The following DCAF1 variants were observed in gnomAD, a reference collection of about 807,000 sequenced individuals.
DCAF1 encodes DDB1- and CUL4-associated factor 1.
A neutral mutation model predicts 128.0 loss-of-function variants in DCAF1; 15 were observed. The ratio of observed to expected loss-of-function variants is 0.12; its 90% CI spans 0.08 to 0.18. The LOEUF (loss-of-function observed/expected upper bound fraction) is 0.18. Ranked by LOEUF, DCAF1 falls within the 10% of genes least tolerant of loss-of-function variation. DCAF1 has a pLI of 1.00. For synonymous variants in DCAF1, 610 were observed against 603.0 expected (o/e 1.01, Z -0.17); for missense variants, 988 against 1,649.5 (o/e 0.60, Z 6.95).
rs572929428 is a variant in DCAF1 at position 51,409,102 on chromosome 3, A to T, written c.4212+3277T>A. On this transcript the variant is annotated intron_variant, in intron 23 of 24. Transcript: ENST00000684031. ...TCCTGCATCCAAGTCAAAAGTCCTG[A>T]CCACTACCATATGCCCTTCCTAATC... Among the ~76,000 whole-genome samples the T allele has an allele frequency of 5.9e-5, 9 of 152,256 alleles. No homozygotes were observed. In the South Asian group the frequency reaches 1.7e-3, roughly 28 times the overall value.
intron 6 of DCAF1, among the ~76,000 whole-genome samples, chr3:51,453,472 T>C (rs1475858215): frequency 6.7e-6 from 1 of 149,594 alleles, no homozygotes; most frequent in Admixed American, 6.7e-5. Context: ...TACAAAAAAA[T>C]TTTTAAAAAA....
intron 10 of DCAF1, 78 bp downstream of exon 10, chr3:51,433,028 T>C (rs1355683827): frequency 2.5e-6 from 1 of 397,778 alleles, no homozygotes; most frequent in African/African-American, 2.1e-5. Flanking sequence ...TATCCAAAAG[T>C]CATTCTGCGA....
chr3:51,472,844 T>C (rs899455543), intron 3 of DCAF1, among the ~76,000 whole-genome samples: 2 of 151,738 alleles, frequency 1.3e-5, no homozygotes, highest in African/African-American at 2.4e-5. Context: ...TTTGTATTTT[T>C]AGTAGAGATG....
intron 6 of DCAF1, among the ~76,000 whole-genome samples, chr3:51,456,548 C>G (rs1430766004): frequency 6.6e-6 from 1 of 152,202 alleles, no homozygotes. Context: ...CCCTCTCTGA[C>G]AGCTTTGAAG....
At chr3:51,487,542 C>A (rs554406189) in intron 2 of DCAF1, among the ~76,000 whole-genome samples, 1 of 152,218 alleles carries the variant, frequency 6.6e-6, no homozygotes, top group Non-Finnish European at 1.5e-5. Flanking sequence ...TATCTACTGT[C>A]CTCTGGTCTA....
At chr3:51,498,607 A>G (rs1330790390) in intron 1 of DCAF1, among the ~76,000 whole-genome samples, 2 of 152,110 alleles carry the variant, frequency 1.3e-5, no homozygotes, top group Non-Finnish European at 1.5e-5. Context: ...TTAAAACTGT[A>G]TAATAGGCAG....
chr3:51,497,910 C>T (rs568445937), intron 1 of DCAF1, among the ~76,000 whole-genome samples: 1 of 151,694 alleles, frequency 6.6e-6, no homozygotes, highest in East Asian at 1.9e-4. Flanking sequence ...ATTAGCCGGG[C>T]GTGGTGGCAG....
intron 3 of DCAF1, among the ~76,000 whole-genome samples, chr3:51,474,102 T>C (rs985183997): frequency 2.0e-5 from 3 of 151,530 alleles, no homozygotes; most frequent in Admixed American, 2.0e-4. Context: ...AGCCACCACA[T>C]CTGGCCCCTT....
intron 9 of DCAF1, among the ~76,000 whole-genome samples, chr3:51,438,254 CTAAG>C (rs1194889178): frequency 6.6e-6 from 1 of 152,124 alleles, no homozygotes; most frequent in Admixed American, 6.6e-5. Flanking sequence ...CATTCACTTA[CTAAG>C]TGACTACTAT....
intron 3 of DCAF1, among the ~76,000 whole-genome samples, chr3:51,481,859 G>C (rs370921194): frequency 2.6e-5 from 4 of 151,900 alleles, no homozygotes; most frequent in Non-Finnish European, 5.9e-5. Flanking sequence ...GCGTCGTGGC[G>C]GGCACCTGTA....
chr3:51,426,539 T>C (rs1699925973), intron 13 of DCAF1, among the ~76,000 whole-genome samples: 2 of 152,168 alleles, frequency 1.3e-5, no homozygotes, highest in Non-Finnish European at 1.5e-5. Context: ...TATTTTTACA[T>C]TTTCTGTTTT....
chr3:51,445,204 C>G (rs929971978), intron 6 of DCAF1, among the ~76,000 whole-genome samples: 2 of 152,036 alleles, frequency 1.3e-5, no homozygotes, highest in Admixed American at 6.6e-5. Flanking sequence ...AAACAGAAAC[C>G]TCCCATGTGC....
At chr3:51,406,335 T>C (rs2090104934) in intron 23 of DCAF1, among the ~76,000 whole-genome samples, 1 of 108,642 alleles carries the variant, frequency 9.2e-6, no homozygotes. Context: ...AGAGCAAGAC[T>C]CTGTCTCAAA....
upstream of DCAF1, among the ~76,000 whole-genome samples, chr3:51,501,283 C>T (rs73834257): frequency 0.019 from 2,856 of 152,204 alleles, 102 homozygotes; most frequent in African/African-American, 0.066. Context: ...AAAAATGAGG[C>T]CCAGAGGGAG....
At chr3:51,463,489 T>G (rs1320135001) in intron 5 of DCAF1, among the ~76,000 whole-genome samples, 1 of 152,110 alleles carries the variant, frequency 6.6e-6, no homozygotes, top group Non-Finnish European at 1.5e-5. Context: ...ATCATAGAAA[T>G]TAAAGGTCAA....
chr3:51,485,420 A>G (rs1312918094), intron 2 of DCAF1, among the ~76,000 whole-genome samples: 1 of 152,198 alleles, frequency 6.6e-6, no homozygotes, highest in Non-Finnish European at 1.5e-5. Context: ...AAGGGCAGGG[A>G]GCTGAGGTGA....
Position 51,441,819 on chromosome 3 carries a change from G to A in DCAF1, c.592C>T (p.Pro198Ser). The stretch of plus-strand genomic sequence containing the variant: ...AGGGGTTCAGAAGAGAGCTTCCGTG[G>A]ACTGGGACGCTTGTTTTCCTGCCGC... ...ALRQENKRPS[P>S]RKLSSEPLLP... The change falls in exon 8 of 25, where the codon CCA (proline) becomes TCA (serine). Residue 198 changes from proline (P) to serine (S), a missense_variant. Physicochemically the swap from Pro to Ser is moderately conservative, Grantham distance 74 (BLOSUM62 -1). Transcript: ENST00000684031. The A allele has an allele frequency of 1.9e-6, 3 of 1,613,728 alleles. No homozygotes were observed. Among genetic ancestry groups the A allele is most frequent in the Non-Finnish European group, 2.5e-6 (3 of 1,179,866 alleles).
intron 1 of DCAF1, among the ~76,000 whole-genome samples, 179 bp from the exon 2 acceptor site, chr3:51,496,959 T>C (rs1205259018): frequency 2.6e-5 from 4 of 152,104 alleles, no homozygotes; most frequent in East Asian, 3.8e-4. Flanking sequence ...AAAATATATA[T>C]ATAGATACCA....
At chr3:51,478,030 C>T (rs1246765732) in intron 3 of DCAF1, among the ~76,000 whole-genome samples, 1 of 152,058 alleles carries the variant, frequency 6.6e-6, no homozygotes, top group African/African-American at 2.4e-5. Context: ...GTTGTTGAGA[C>T]AGAGTCTCTC....
Sources: gnomAD v4.1 joint callset for allele counts (sites outside exome capture counted in the v4.1 genomes callset) on GRCh38, gnomAD v4.1.1 for gene constraint, MANE v1.5 for transcripts, NCBI Gene and HGNC (gene_info 2026-07-23, HGNC 2026-07-21) for gene names.